Variants in CYP2S1 observed in about 807,000 individuals in gnomAD.
CYP2S1 encodes cytochrome P450 family 2 subfamily S member 1, also known as cytochrome P450 2S1.
A neutral mutation model predicts 43.5 loss-of-function variants in CYP2S1; 32 were observed. That is an observed-to-expected ratio of 0.74 (90% CI 0.56 to 0.99). CYP2S1 has a LOEUF of 0.99. Among genes scored for constraint, CYP2S1 ranks in the 50% least tolerant of loss-of-function variants. The pLI is 0.00. For missense variants in CYP2S1, 575 were observed against 673.9 expected (o/e 0.85, Z 1.62); for synonymous variants, 283 against 302.9 (o/e 0.93, Z 0.68).
At position 41,198,616 on chromosome 19, in the gene CYP2S1, G is replaced by C. The variant is rs764296424; in HGVS notation, c.648G>C (p.Gly216=). The C allele has an allele frequency of 1.2e-6, 2 of 1,614,084 alleles. No individual in the cohort carries two copies. Among genetic ancestry groups the C allele is most frequent in the Non-Finnish European group, 1.7e-6 (2 of 1,179,998 alleles). The change falls in exon 4 of 9, where the codon GGG becomes GGC. Residue 216 remains glycine, a synonymous_variant. Coordinates refer to ENST00000310054, the MANE Select transcript of CYP2S1 (RefSeq NM_030622.8). This position sits in a 1 kb window ranked among gnomAD's most constrained non-coding sequence, Gnocchi z 4.9. ...GGTLLGVSSQ[G]GQTYEMFSWF... ...CCCTGCTGGGAGTCAGCTCCCAGGG[G>C]GGTCAGGTGAGTGGGTGGGACCCCT...
rs775051633 is a variant in CYP2S1, at chr19:41,206,447, G to A, written c.1474G>A (p.Val492Ile). The change falls in exon 9 of 9, where the codon GTC becomes ATC. Residue 492 changes from valine (V) to isoleucine (I), a missense_variant. Val to Ile is a conservative substitution (Grantham distance 29). Around this residue, in one of 2 missense-constraint regions of CYP2S1, gnomAD observed 222 missense variants for 306.3 expected, o/e 0.72. Transcript: ENST00000310054. ...FNIPPAFQLQ[V>I]RPTDLHSTTQ... ...CATTCCCCCAGCCTTCCAGCTGCAA[G>A]TCCGTCCCACTGACCTTCACTCCAC... 6.2e-7 allele frequency: 1 copy of A among 1,614,084 alleles called. No homozygotes were observed. The highest frequency in any genetic ancestry group is 8.5e-7 in the Non-Finnish European group (1 of 1,180,036).
At chr19:41,199,064 G>A (rs1358842559) in intron 5 of CYP2S1, among the ~76,000 whole-genome samples, 176 bp downstream of exon 5, 1 of 152,106 alleles carries the variant, frequency 6.6e-6, no homozygotes, top group Admixed American at 6.6e-5. Flanking sequence ...ACATCTGTCT[G>A]TCCCTTTCAG....
chr19:41,200,017 A>AG (rs2033468593), intron 5 of CYP2S1, among the ~76,000 whole-genome samples: 1 of 151,934 alleles, frequency 6.6e-6, no homozygotes, highest in African/African-American at 2.4e-5. Context: ...ATGCCCTATA[A>AG]GTAAACTAGA....
At position 41,203,508 on chromosome 19, in the gene CYP2S1, G is replaced by T; in HGVS notation, c.1035G>T (p.Gly345=). 6.2e-7 allele frequency: 1 copy of T among 1,604,758 alleles called. No individual in the cohort carries two copies. Among genetic ancestry groups the T allele is most frequent in the Non-Finnish European group, 8.5e-7 (1 of 1,175,038 alleles). The part of the protein sequence containing the change: ...ELGAGQAPSL[G]DRTRLPYTDA... ...GGGCTGGCCAGGCACCAAGCCTAGGGGACCGTACCCGCCTCCCTTACACCG... is the reference window on the plus strand; with the variant it reads ...GGGCTGGCCAGGCACCAAGCCTAGGTGACCGTACCCGCCTCCCTTACACCG... The change falls in exon 7 of 9, where the codon GGG becomes GGT. Residue 345 remains glycine, a synonymous_variant. Coordinates refer to ENST00000310054, the MANE Select transcript of CYP2S1 (RefSeq NM_030622.8).
chr19:41,204,446 G>A (rs1391864723), intron 7 of CYP2S1, among the ~76,000 whole-genome samples: 3 of 152,056 alleles, frequency 2.0e-5, no homozygotes, highest in East Asian at 1.9e-4. Flanking sequence ...GAGCAGCTCC[G>A]ATGCAGAACC....
Position 41,204,505 on chromosome 19 carries a change from C to G in CYP2S1, c.1164+868C>G, listed in dbSNP as rs575340707. On this transcript the variant is annotated intron_variant, in intron 7 of 8. Transcript: ENST00000310054. ...AAACCCCAGCAGTTTATGCAAGCAG[C>G]TCCCTCCTCCACCTTCACTGCAGAA... 1.9e-3 allele frequency among the ~76,000 whole-genome samples: 287 copies of G among 152,196 alleles called. 1 individual carries two copies. The highest frequency in any genetic ancestry group is 4.3e-4 in the Non-Finnish European group (29 of 68,012).
intron 2 of CYP2S1, among the ~76,000 whole-genome samples, chr19:41,197,147 A>T (rs10404548): frequency 7.6e-4 from 116 of 152,176 alleles, no homozygotes; most frequent in African/African-American, 2.7e-3. Context: ...GTGAGCTGAG[A>T]TCGTGCCATT....
Position 41,206,309 on chromosome 19 carries a change from G to A in CYP2S1, c.1336G>A (p.Ala446Thr). Residue 446 changes from alanine (A) to threonine (T), a missense_variant, in exon 9 of 9, where the codon GCA becomes ACA. Ala to Thr is a moderately conservative substitution (Grantham distance 58, BLOSUM62 0). This residue lies in a region of CYP2S1 where 222 missense variants were observed against 306.3 expected (regional missense o/e 0.72). Transcript: ENST00000310054. Reference protein sequence around the residue: ...GKRVCLGEGLAKAELFLFFTT... With the variant: ...GKRVCLGEGLTKAELFLFFTT... Reference sequence around the variant, plus strand: ...GCGTGTCTGCCTTGGAGAGGGCCTGGCAAAAGCGGAGCTCTTCCTCTTCTT... The same window carrying A: ...GCGTGTCTGCCTTGGAGAGGGCCTGACAAAAGCGGAGCTCTTCCTCTTCTT... 1.2e-6 allele frequency: 2 copies of A among 1,614,026 alleles called. No individual in the cohort carries two copies. The highest frequency in any genetic ancestry group is 1.1e-5 in the South Asian group (1 of 91,076).
chr19:41,205,418 TTCTC>T (rs11311956), intron 7 of CYP2S1, among the ~76,000 whole-genome samples: 16 of 87,946 alleles, frequency 1.8e-4, no homozygotes, highest in South Asian at 6.0e-4. Flanking sequence ...CTTTCTTTCT[TTCTC>T]TCTCTCTCTC....
intron 7 of CYP2S1, 78 bp from the exon 8 acceptor site, chr19:41,205,880 A>G: frequency 6.5e-7 from 1 of 1,544,174 alleles, no homozygotes; most frequent in Non-Finnish European, 8.8e-7. Context: ...CTGGCACCCG[A>G]GACTTGTACT....
At chr19:41,203,329 G>A in intron 6 of CYP2S1, 121 bp from the exon 7 acceptor site, 1 of 1,116,208 alleles carries the variant, frequency 9.0e-7, no homozygotes, top group Non-Finnish European at 1.2e-6. Flanking sequence ...AGGGCTGGGG[G>A]ACCACTCCTC....
At chr19:41,203,394 G>A in intron 6 of CYP2S1, 56 bp from the exon 7 acceptor site, 3 of 1,491,108 alleles carry the variant, frequency 2.0e-6, no homozygotes, top group Non-Finnish European at 2.7e-6. Context: ...GGGCTTCTGA[G>A]AGGAGGATCC....
chr19:41,206,701 C>T lies in CYP2S1; in HGVS notation c.*213C>T. 1 of 773,176 alleles carries T rather than the reference C, an allele frequency of 1.3e-6. No homozygotes were observed. 47.9% of individuals were successfully genotyped at this position (773,176 alleles called of 1,614,324 possible). ...GCACACCCATACACAACTACAAGGGCCACAAAGCAACTGCTGGGTTAGCTT... is the reference window on the plus strand; with the variant it reads ...GCACACCCATACACAACTACAAGGGTCACAAAGCAACTGCTGGGTTAGCTT... On this transcript the variant is annotated 3_prime_UTR_variant, in exon 9 of 9. Coordinates refer to ENST00000310054, the MANE Select transcript of CYP2S1 (RefSeq NM_030622.8).
intron 1 of CYP2S1, among the ~76,000 whole-genome samples, chr19:41,194,006 A>C (rs2033376561): frequency 6.6e-6 from 1 of 151,916 alleles, no homozygotes; most frequent in African/African-American, 2.4e-5. Context: ...GAGGAAGGAG[A>C]GCAAGAAAGA....
In CYP2S1 at chr19:41,198,009, C is replaced by T; in HGVS notation, c.493+81C>T. 2.0e-6 allele frequency: 3 copies of T among 1,493,068 alleles called. No individual in the cohort carries two copies. The Admixed American group carries it at 7.3e-5, about 37-fold the overall frequency. 92.5% of individuals were successfully genotyped at this position (1,493,068 alleles called of 1,614,324 possible). ...CTACTGTGGCTGGGGGTGGCCCCAA[C>T]CCAGGTCCTGGAATGGGCAGGAGGG... On this transcript the variant is annotated intron_variant, in intron 3 of 8. Transcript: ENST00000310054. This position sits in a 1 kb window ranked among gnomAD's most constrained non-coding sequence, Gnocchi z 4.9.
chr19:41,193,262 G>C lies in CYP2S1; in HGVS notation c.-3G>C, dbSNP rs781443736. ...GGAGAGGAGAAGGAGCCGACCTGCC[G>C]AGATGGAGGCGACCGGCACCTGGGC... On this transcript the variant is annotated 5_prime_UTR_variant, in exon 1 of 9. Coordinates refer to ENST00000310054, the MANE Select transcript of CYP2S1 (RefSeq NM_030622.8). 4 of 1,540,790 alleles carry C rather than the reference G, an allele frequency of 2.6e-6. No individual in the cohort carries two copies. The East Asian group carries it at 7.3e-5, about 28-fold the overall frequency.
rs939406953 is a variant in CYP2S1 at position 41,198,251 on chromosome 19, C to G, written c.494-211C>G. On this transcript the variant is annotated intron_variant, in intron 3 of 8. Coordinates refer to ENST00000310054, the MANE Select transcript of CYP2S1 (RefSeq NM_030622.8). This position sits in a 1 kb window ranked among gnomAD's most constrained non-coding sequence, Gnocchi z 4.9. Reference sequence around the variant, plus strand: ...TCAGTCTATCTCTGTTTCTGTCTCCCTGTCTGTGTGATGGTCACTCTGTTT... The same window carrying G: ...TCAGTCTATCTCTGTTTCTGTCTCCGTGTCTGTGTGATGGTCACTCTGTTT... Among the ~76,000 whole-genome samples the G allele has an allele frequency of 1.3e-5, 2 of 151,978 alleles. No individual in the cohort carries two copies. The highest frequency in any genetic ancestry group is 2.9e-5 in the Non-Finnish European group (2 of 67,998).
intron 2 of CYP2S1, among the ~76,000 whole-genome samples, chr19:41,195,405 G>A (rs141727697): frequency 1.4e-4 from 22 of 152,230 alleles, no homozygotes; most frequent in African/African-American, 4.6e-4. Context: ...AGACAGCACC[G>A]GTGCTGCTTC....
In CYP2S1 at chr19:41,206,007, T is replaced by C. The variant is rs1268170386; in HGVS notation, c.1214T>C (p.Ile405Thr). ...LLGSILHDPN[I>T]FKHPEEFNPD... is the part of the protein sequence containing the mutation. The stretch of plus-strand genomic sequence containing the variant: ...GGCTCCATCCTGCATGACCCCAACA[T>C]CTTCAAGCACCCAGAAGAGTTCAAC... Residue 405 changes from isoleucine to threonine, a missense_variant, in exon 8 of 9, where the codon ATC becomes ACC. Transcript: ENST00000310054. 6.2e-7 allele frequency: 1 copy of C among 1,613,892 alleles called. No individual in the cohort carries two copies.
Sources: gnomAD v4.1 joint callset for allele counts (sites outside exome capture counted in the v4.1 genomes callset) on GRCh38, gnomAD v4.1.1 for gene constraint, gnomAD v4.1.1 regional missense constraint, Gnocchi (gnomAD v3.1) non-coding constraint, MANE v1.5 for transcripts, NCBI Gene and HGNC (gene_info 2026-07-23, HGNC 2026-07-21) for gene names.